PTPRT: variants seen among roughly 807,000 people sequenced by gnomAD.
The protein encoded by PTPRT is receptor-type tyrosine-protein phosphatase T.
A neutral mutation model predicts 176.8 loss-of-function variants in PTPRT; 56 were observed. The ratio of observed to expected loss-of-function variants is 0.32; its 90% confidence interval spans 0.26 to 0.40. The LOEUF is 0.40. Among genes scored for constraint, PTPRT ranks in the 10% least tolerant of loss-of-function variants. PTPRT has a pLI of 1.00. For missense variants in PTPRT, 1,540 were observed against 1,908.2 expected, an observed-to-expected ratio of 0.81 and a Z score of 3.60; for synonymous variants, 783 against 739.0, an observed-to-expected ratio of 1.06 and a Z score of -0.96.
rs969181528 is a variant in PTPRT, at chr20:43,189,265, C to A, written c.88+381G>T. On this transcript the variant is annotated intron_variant, in intron 1 of 30. Transcript: ENST00000373187. This position sits in a 1 kb window ranked among gnomAD's most constrained non-coding sequence, Gnocchi z 5.0. ...CCGAGGAGCTGCCCGGGAGAGAACG[C>A]TCCACCCCGGGCGTCGGTGCCGCTC... Among the ~76,000 whole-genome samples the A allele has an allele frequency of 6.6e-6, 1 of 152,182 alleles. No homozygotes were observed. Among genetic ancestry groups the A allele is most frequent in the Non-Finnish European group, 1.5e-5 (1 of 68,040 alleles).
intron 27 of PTPRT, among the ~76,000 whole-genome samples, chr20:42,096,246 C>T (rs1985215193): frequency 6.6e-6 from 1 of 152,178 alleles, no homozygotes; most frequent in Admixed American, 6.5e-5. Context: ...GCACTGATCC[C>T]CAGACCTGGC....
intron 1 of PTPRT, among the ~76,000 whole-genome samples, chr20:42,894,084 C>T (rs1379441267): frequency 6.7e-6 from 1 of 148,908 alleles, no homozygotes; most frequent in Non-Finnish European, 1.5e-5. Flanking sequence ...AGGGCCAAAA[C>T]AGATGGAGAT....
chr20:42,341,289 C>T (rs1477916710), intron 11 of PTPRT, among the ~76,000 whole-genome samples: 1 of 152,132 alleles, frequency 6.6e-6, no homozygotes, highest in East Asian at 1.9e-4. Context: ...AAGCCTACAC[C>T]AGATGGTCCA....
intron 11 of PTPRT, among the ~76,000 whole-genome samples, chr20:42,345,894 G>A (rs2058187660): frequency 6.6e-6 from 1 of 152,096 alleles, no homozygotes; most frequent in Non-Finnish European, 1.5e-5. Context: ...AGATTCTGAT[G>A]AGCCTTGAAT....
rs183967596 is a variant in PTPRT at position 42,788,909 on chromosome 20, T to C, written c.486+2286A>G. Among the ~76,000 whole-genome samples, 147 of 152,342 alleles carry C rather than the reference T, an allele frequency of 9.6e-4. 1 individual carries two copies. The highest frequency in any genetic ancestry group is 3.2e-3 in the African/African-American group (135 of 41,584). On this transcript the variant is annotated intron_variant, in intron 3 of 30. Transcript: ENST00000373187. The stretch of plus-strand genomic sequence containing the variant: ...TGTGGAGCCAAGTGGTTAAGAATTA[T>C]GATCTGTACTAATTTGACAACCACG...
At chr20:42,324,961 CTATCTGTCT>C (rs2057861005) in intron 11 of PTPRT, among the ~76,000 whole-genome samples, 1 of 152,184 alleles carries the variant, frequency 6.6e-6, no homozygotes, top group African/African-American at 2.4e-5. Flanking sequence ...ACCTATTGTC[CTATCTGTCT>C]GTCTTTTATA....
chr20:42,462,580 C>A (rs1185875743), intron 8 of PTPRT, among the ~76,000 whole-genome samples: 1 of 151,982 alleles, frequency 6.6e-6, no homozygotes, highest in Non-Finnish European at 1.5e-5. Context: ...ATTTTTGGAG[C>A]TACAATACTA....
intron 1 of PTPRT, among the ~76,000 whole-genome samples, chr20:42,982,751 G>A (rs1030392495): frequency 6.6e-6 from 1 of 152,130 alleles, no homozygotes; most frequent in Non-Finnish European, 1.5e-5. Context: ...CCATCCCTCT[G>A]CTCCTCTCCC....
chr20:42,304,069 C>T (rs1335305437), intron 12 of PTPRT, among the ~76,000 whole-genome samples: 1 of 152,162 alleles, frequency 6.6e-6, no homozygotes, highest in Non-Finnish European at 1.5e-5. Context: ...AAAATTCAGC[C>T]TCTAGGAGGA....
intron 7 of PTPRT, among the ~76,000 whole-genome samples, chr20:42,676,645 A>G (rs1187000113): frequency 6.6e-6 from 1 of 152,204 alleles, no homozygotes; most frequent in Non-Finnish European, 1.5e-5. Flanking sequence ...ACCACTGGCC[A>G]TTCTATGACT....
chr20:42,088,223 A>C (rs1984215539), intron 27 of PTPRT, among the ~76,000 whole-genome samples: 1 of 152,150 alleles, frequency 6.6e-6, no homozygotes, highest in African/African-American at 2.4e-5. Context: ...AGATTCACAA[A>C]GAAAGACCCA....
At chr20:42,067,894 T>A (rs1445045110), downstream of PTPRT, among the ~76,000 whole-genome samples, 1 of 151,960 alleles carries the variant, frequency 6.6e-6, no homozygotes, top group Non-Finnish European at 1.5e-5. Context: ...TTAAACGAAA[T>A]TTTTTTTGGA....
chr20:42,637,490 G>T lies in PTPRT; in HGVS notation c.1153+40376C>A, dbSNP rs186295760. Among the ~76,000 whole-genome samples, 3 of 152,180 alleles carry T rather than the reference G, an allele frequency of 2.0e-5. No homozygotes were observed. The East Asian group carries it at 5.8e-4, about 29-fold the overall frequency. On this transcript the variant is annotated intron_variant, in intron 7 of 30. Coordinates refer to ENST00000373187, the MANE Select transcript of PTPRT (RefSeq NM_007050.6). ...CTGCTTGCTCCCTCAACCCAGAATG[G>T]GGTTCCTGCAGATCTTCAAAGGGCT... is the stretch of plus-strand genomic sequence containing the variant.
intron 1 of PTPRT, chr20:42,966,329 G>T (rs140131833): frequency 4.6e-5 from 7 of 152,098 alleles, no homozygotes; most frequent in African/African-American, 1.7e-4. Flanking sequence ...GATGTTTAAC[G>T]AGGCTGGTAA....
Position 42,807,687 on chromosome 20 carries a change from T to C in PTPRT, c.215-16221A>G, listed in dbSNP as rs77517151. 2.9e-3 allele frequency among the ~76,000 whole-genome samples: 444 copies of C among 152,296 alleles called. 3 individuals are homozygous for C. Among genetic ancestry groups the C allele is most frequent in the African/African-American group, 0.01 (421 of 41,552 alleles). On this transcript the variant is annotated intron_variant, in intron 2 of 30. Coordinates refer to ENST00000373187, the MANE Select transcript of PTPRT (RefSeq NM_007050.6). ...GGTGTGGGCGAAAATTCTCTACTTG[T>C]ATAGAAATTATTTGAAGAAATTCCT... is the stretch of plus-strand genomic sequence containing the variant.
chr20:42,441,652 T>C (rs778769722), intron 9 of PTPRT, among the ~76,000 whole-genome samples: 3 of 152,186 alleles, frequency 2.0e-5, no homozygotes, highest in Non-Finnish European at 4.4e-5. Flanking sequence ...TGAGGGGTGC[T>C]CAGAACAGGA....
At chr20:42,348,920 T>C (rs2058236261) in intron 11 of PTPRT, among the ~76,000 whole-genome samples, 1 of 152,212 alleles carries the variant, frequency 6.6e-6, no homozygotes, top group Admixed American at 6.5e-5. Context: ...TTACGATATA[T>C]AAGCTTGTTA....
chr20:42,668,658 T>G (rs1296187795), intron 7 of PTPRT, among the ~76,000 whole-genome samples: 1 of 151,600 alleles, frequency 6.6e-6, no homozygotes, highest in Non-Finnish European at 1.5e-5. Flanking sequence ...GATGAACATC[T>G]TATGCCCTCA....
chr20:42,313,059 T>A (rs1393135648), intron 12 of PTPRT, among the ~76,000 whole-genome samples: 2 of 152,014 alleles, frequency 1.3e-5, no homozygotes, highest in African/African-American at 4.8e-5. Flanking sequence ...AAAAACAGCT[T>A]ACAGTAAAGA....
Sources: gnomAD v4.1 joint callset for allele counts (sites outside exome capture counted in the v4.1 genomes callset) on GRCh38, gnomAD v4.1.1 for gene constraint, Gnocchi (gnomAD v3.1) non-coding constraint, MANE v1.5 for transcripts, NCBI Gene and HGNC (gene_info 2026-07-23, HGNC 2026-07-21) for gene names.